DLG2: variants seen among roughly 807,000 people sequenced by gnomAD.
DLG2 encodes the protein disks large homolog 2.
Under a neutral mutation model 132.5 loss-of-function variants are expected in DLG2, and 45 were observed. The observed-to-expected ratio is 0.34, with a 90% confidence interval of 0.27 to 0.44. DLG2 has a LOEUF of 0.44. Ranked by LOEUF, DLG2 falls within the 20% of genes least tolerant of loss-of-function variation. The pLI is 1.00. For synonymous variants in DLG2, 424 were observed against 419.6 expected (o/e 1.01, Z -0.13); for missense variants, 1,045 against 1,196.9 (o/e 0.87, Z 1.87).
chr11:84,370,615 A>G (rs1160716824), intron 7 of DLG2, among the ~76,000 whole-genome samples: 1 of 152,184 alleles, frequency 6.6e-6, no homozygotes, highest in Non-Finnish European at 1.5e-5. Context: ...TTTTACCACT[A>G]TGAGAAACAC....
intron 7 of DLG2, among the ~76,000 whole-genome samples, chr11:84,528,140 T>C (rs374815568): frequency 2.0e-5 from 3 of 152,200 alleles, no homozygotes; most frequent in Admixed American, 1.3e-4. Flanking sequence ...CAGTTAATAT[T>C]TATTGAACTG....
chr11:84,475,553 T>C (rs1038036192), intron 7 of DLG2, among the ~76,000 whole-genome samples: 3 of 152,090 alleles, frequency 2.0e-5, no homozygotes, highest in Non-Finnish European at 4.4e-5. Flanking sequence ...CAGTCTCCTA[T>C]AGACAAGTGA....
intron 14 of DLG2, among the ~76,000 whole-genome samples, chr11:83,954,904 C>G (rs1314103269): frequency 6.6e-6 from 1 of 152,142 alleles, no homozygotes; most frequent in Non-Finnish European, 1.5e-5. Context: ...ATATGACTCT[C>G]TGTAATAAAA....
intron 7 of DLG2, among the ~76,000 whole-genome samples, chr11:84,276,911 G>A (rs2097788389): frequency 6.6e-6 from 1 of 152,164 alleles, no homozygotes. Flanking sequence ...GAAAGAATGG[G>A]TTTCAAGAAT....
intron 7 of DLG2, among the ~76,000 whole-genome samples, chr11:84,294,615 G>A (rs970632624): frequency 6.6e-6 from 1 of 152,082 alleles, no homozygotes; most frequent in Non-Finnish European, 1.5e-5. Context: ...ATAAATAAAT[G>A]AAAATGAAGA....
intron 6 of DLG2, among the ~76,000 whole-genome samples, chr11:84,662,700 T>C (rs1203521506): frequency 6.7e-6 from 1 of 148,658 alleles, no homozygotes; most frequent in Non-Finnish European, 1.5e-5. Context: ...GACAGGAGAA[T>C]CGCTTGAACC....
At chr11:85,299,876 T>C (rs1443630713) in intron 3 of DLG2, among the ~76,000 whole-genome samples, 2 of 152,208 alleles carry the variant, frequency 1.3e-5, no homozygotes. Context: ...CTTACCAAAG[T>C]AGCTAAATAG....
rs558471665 is a variant in DLG2, at chr11:83,462,345, T to A, written c.2730-252A>T. Among the ~76,000 whole-genome samples, 19 of 152,340 alleles carry A rather than the reference T, an allele frequency of 1.2e-4. No individual in the cohort carries two copies. In the South Asian group the frequency reaches 3.9e-3, roughly 32 times the overall value. ...GAAGCCAAATATGTCTCCTTATGATTTGTAGTCACTGGTCCCTGTTCTGCA... is the reference window on the plus strand; with the variant it reads ...GAAGCCAAATATGTCTCCTTATGATATGTAGTCACTGGTCCCTGTTCTGCA... On this transcript the variant is annotated intron_variant, in intron 26 of 27. Coordinates refer to ENST00000376104, the MANE Select transcript of DLG2 (RefSeq NM_001142699.3).
intron 18 of DLG2, among the ~76,000 whole-genome samples, chr11:83,766,735 C>T (rs1472083110): frequency 5.3e-5 from 8 of 152,108 alleles, no homozygotes; most frequent in African/African-American, 1.9e-4. Context: ...TTGATTCTCT[C>T]ATCATCTTTT....
rs1218973717 is a variant in DLG2, at chr11:85,333,042, T to C, written c.41-47677A>G. 2.0e-5 allele frequency among the ~76,000 whole-genome samples: 3 copies of C among 152,222 alleles called. No homozygotes were observed. The East Asian group carries it at 5.8e-4, about 29-fold the overall frequency. The stretch of plus-strand genomic sequence containing the variant: ...TTGAATCTTTACATTCCTTTGATCG[T>C]ATGGCCATTTTAACAATATTGATTC... On this transcript the variant is annotated intron_variant, in intron 3 of 27. Transcript: ENST00000376104.
chr11:85,472,570 T>C (rs2153078156), intron 3 of DLG2, among the ~76,000 whole-genome samples: 1 of 152,304 alleles, frequency 6.6e-6, no homozygotes, highest in East Asian at 1.9e-4. Flanking sequence ...AGTGCTGGGA[T>C]TCCAGGCGTG....
At chr11:85,507,810 T>C (rs1377088058) in intron 3 of DLG2, among the ~76,000 whole-genome samples, 1 of 152,170 alleles carries the variant, frequency 6.6e-6, no homozygotes, top group African/African-American at 2.4e-5. Context: ...GTTTTCCAAC[T>C]TGGTTCCGTT....
intron 6 of DLG2, among the ~76,000 whole-genome samples, chr11:84,989,613 A>G (rs1404220144): frequency 6.6e-6 from 1 of 152,224 alleles, no homozygotes; most frequent in Non-Finnish European, 1.5e-5. Flanking sequence ...GTGGATACAG[A>G]CAAGGTTATT....
chr11:84,529,547 C>T (rs1241996096), intron 7 of DLG2, among the ~76,000 whole-genome samples: 1 of 151,996 alleles, frequency 6.6e-6, no homozygotes, highest in African/African-American at 2.4e-5. Flanking sequence ...TTTACAATAG[C>T]CACAAAAAGA....
intron 3 of DLG2, among the ~76,000 whole-genome samples, chr11:85,406,149 T>C (rs574826235): frequency 7.9e-5 from 12 of 151,858 alleles, no homozygotes; most frequent in Non-Finnish European, 1.5e-4. Flanking sequence ...ATATCAAACA[T>C]TGGACTCTGA....
intron 9 of DLG2, among the ~76,000 whole-genome samples, chr11:84,128,628 G>C (rs1220346127): frequency 2.0e-5 from 3 of 151,970 alleles, no homozygotes; most frequent in African/African-American, 7.3e-5. Flanking sequence ...TCTGCATTGG[G>C]ATTGACTTTA....
At chr11:84,362,880 G>A (rs1052609872) in intron 7 of DLG2, among the ~76,000 whole-genome samples, 39 of 152,212 alleles carry the variant, frequency 2.6e-4, no homozygotes, top group African/African-American at 9.2e-4. Context: ...TGGTGTATAT[G>A]TGCCATATTT....
chr11:84,086,216 G>A (rs532659932), intron 10 of DLG2, among the ~76,000 whole-genome samples: 1 of 152,076 alleles, frequency 6.6e-6, no homozygotes, highest in Non-Finnish European at 1.5e-5. Context: ...TAAATAAATT[G>A]TATCTTTAAA....
At chr11:83,706,737 G>A (rs1040226245) in intron 18 of DLG2, among the ~76,000 whole-genome samples, 2 of 152,196 alleles carry the variant, frequency 1.3e-5, no homozygotes, top group Admixed American at 6.5e-5. Context: ...TCCCTTGCAC[G>A]TCCAGTTTTG....
Sources: gnomAD v4.1 joint callset for allele counts (sites outside exome capture counted in the v4.1 genomes callset) on GRCh38, gnomAD v4.1.1 for gene constraint, MANE v1.5 for transcripts, NCBI Gene and HGNC (gene_info 2026-07-23, HGNC 2026-07-21) for gene names.